The following XPR1 variants were observed in gnomAD, a reference collection of about 807,000 sequenced individuals.
The protein encoded by XPR1 is solute carrier family 53 member 1.
Under a neutral mutation model 87.5 loss-of-function variants are expected in XPR1, and 28 were observed. The observed-to-expected ratio is 0.32, with a 90% CI of 0.24 to 0.44. XPR1 has a LOEUF of 0.44. XPR1 is among the 20% of genes least tolerant of loss of function. XPR1 has a pLI of 1.00. For missense variants in XPR1, 559 were observed against 862.3 expected, an observed-to-expected ratio of 0.65 and a Z score of 4.41; for synonymous variants, 300 against 306.1, an observed-to-expected ratio of 0.98 and a Z score of 0.21.
At chr1:180,731,479 T>A (rs900912119) in intron 2 of XPR1, among the ~76,000 whole-genome samples, 43 of 152,130 alleles carry the variant, frequency 2.8e-4, no homozygotes, top group Non-Finnish European at 5.0e-4. Context: ...TGTGATCTGG[T>A]GAGTTTCAGT....
chr1:180,859,193 A>G (rs1652138062), intron 11 of XPR1, among the ~76,000 whole-genome samples: 1 of 152,136 alleles, frequency 6.6e-6, no homozygotes, highest in Non-Finnish European at 1.5e-5. Context: ...TCTCTTTTTA[A>G]AAAATCATTC....
At chr1:180,719,511 A>G (rs1405820895) in intron 2 of XPR1, among the ~76,000 whole-genome samples, 2 of 152,190 alleles carry the variant, frequency 1.3e-5, no homozygotes, top group Non-Finnish European at 2.9e-5. Flanking sequence ...ATTTCAATAA[A>G]AAGTTGACCT....
chr1:180,836,481 T>C (rs1558032601), intron 10 of XPR1, 41 bp from the exon 11 acceptor site: 1 of 1,610,334 alleles, frequency 6.2e-7, no homozygotes, highest in Non-Finnish European at 8.5e-7. Context: ...AACAAGTTAC[T>C]TTTTTTCAAT....
chr1:180,825,376 A>G (rs1302110013), intron 9 of XPR1, 32 bp downstream of exon 9: 3 of 1,590,428 alleles, frequency 1.9e-6, no homozygotes, highest in Non-Finnish European at 2.6e-6. Flanking sequence ...CCACTTTTAG[A>G]GTGGCATATT....
intron 2 of XPR1, among the ~76,000 whole-genome samples, chr1:180,682,818 A>ATGTG (rs368072502): frequency 6.7e-6 from 1 of 150,328 alleles, no homozygotes; most frequent in East Asian, 2.0e-4. Context: ...TTTACAATGG[A>ATGTG]TGTGTGTGTG....
At chr1:180,632,894 C>A (rs1346167739) in intron 1 of XPR1, among the ~76,000 whole-genome samples, 2 of 152,206 alleles carry the variant, frequency 1.3e-5, no homozygotes, top group Non-Finnish European at 2.9e-5. Context: ...ACGTTGTAAT[C>A]AACTATTCTG....
chr1:180,826,483 A>G (rs528645884), intron 9 of XPR1, among the ~76,000 whole-genome samples: 1 of 152,262 alleles, frequency 6.6e-6, no homozygotes, highest in South Asian at 2.1e-4. Context: ...GGAACGTCAA[A>G]GCTGCAGTGA....
At chr1:180,836,431 TAGAC>T in intron 10 of XPR1, 87 bp from the exon 11 acceptor site, 12 of 1,424,066 alleles carry the variant, frequency 8.4e-6, no homozygotes, top group African/African-American at 4.3e-5. Context: ...TTTGCTTTTT[TAGAC>T]TTGGTATTAG....
intron 3 of XPR1, among the ~76,000 whole-genome samples, chr1:180,797,883 T>C (rs892017428): frequency 1.3e-5 from 2 of 152,170 alleles, no homozygotes; most frequent in African/African-American, 4.8e-5. Context: ...AAAATATTAC[T>C]GAAACGCTAA....
At chr1:180,666,744 T>A (rs897525420) in intron 1 of XPR1, among the ~76,000 whole-genome samples, 2 of 152,120 alleles carry the variant, frequency 1.3e-5, no homozygotes, top group African/African-American at 4.8e-5. Context: ...AATCTTTAGG[T>A]TTTTCTACAT....
chr1:180,824,592 GTAGA>G (rs547917798), intron 7 of XPR1, among the ~76,000 whole-genome samples, 157 bp from the exon 8 acceptor site: 18 of 149,740 alleles, frequency 1.2e-4, no homozygotes, highest in South Asian at 2.1e-4. Context: ...AAATAAATAG[GTAGA>G]TAGATAGATA....
intron 2 of XPR1, among the ~76,000 whole-genome samples, chr1:180,705,355 T>C (rs1352726617): frequency 6.6e-6 from 1 of 152,204 alleles, no homozygotes; most frequent in African/African-American, 2.4e-5. Context: ...GAATTTATAT[T>C]GGTGTATTAT....
Position 180,798,556 on chromosome 1 carries a change from C to CT in XPR1, c.224-4829dup, listed in dbSNP as rs1196294167. ...TGGTTATTAGGTGAGATGACCTAGA[C>CT]TTTAATTCCTAGAGGATCTGAATCT... On this transcript the variant is annotated intron_variant, in intron 3 of 14. Coordinates refer to ENST00000367590, the MANE Select transcript of XPR1 (RefSeq NM_004736.4). Among the ~76,000 whole-genome samples, 80 of 152,302 alleles carry CT rather than the reference C, an allele frequency of 5.3e-4. 1 individual carries two copies. The Middle Eastern group carries it at 0.01, about 19-fold the overall frequency.
At chr1:180,761,216 A>G (rs1483762073) in intron 2 of XPR1, among the ~76,000 whole-genome samples, 1 of 152,212 alleles carries the variant, frequency 6.6e-6, no homozygotes, top group Non-Finnish European at 1.5e-5. Context: ...ATGGGCAAGG[A>G]CTTCATGTCT....
intron 1 of XPR1, among the ~76,000 whole-genome samples, chr1:180,672,504 A>G (rs1656214068): frequency 6.6e-6 from 1 of 152,162 alleles, no homozygotes; most frequent in Non-Finnish European, 1.5e-5. Flanking sequence ...TAGTATGTTG[A>G]TTCTTTGTAT....
Position 180,887,521 on chromosome 1 carries a change from A to G in XPR1, c.*3455A>G, listed in dbSNP as rs184386696. The G allele has an allele frequency of 1.2e-4, 18 of 152,238 alleles. No homozygotes were observed. The East Asian group carries it at 1.3e-3, about 11-fold the overall frequency. The allele number at this position is 152,238 out of a possible 1,614,324, so 9.4% of individuals were successfully genotyped here. A position where few individuals can be genotyped will look rare whatever the true frequency, so the allele number is the denominator to read the frequency against. The stretch of plus-strand genomic sequence containing the variant: ...TGATTTCATAGCATACAGAGAAACA[A>G]TGAAATCAAAGATTAAATCATTAGG... On this transcript the variant is annotated 3_prime_UTR_variant, in exon 15 of 15. Transcript: ENST00000367590.
chr1:180,747,774 G>A (rs921699497), intron 2 of XPR1, among the ~76,000 whole-genome samples: 2 of 152,134 alleles, frequency 1.3e-5, no homozygotes, highest in South Asian at 4.1e-4. Flanking sequence ...CCATAAAAGC[G>A]AAGCAAGCCA....
chr1:180,743,931 A>G (rs941466861), intron 2 of XPR1, among the ~76,000 whole-genome samples: 3 of 152,210 alleles, frequency 2.0e-5, no homozygotes, highest in Admixed American at 6.5e-5. Context: ...CAGTTTGATT[A>G]TGATCCATCT....
intron 11 of XPR1, among the ~76,000 whole-genome samples, chr1:180,851,841 C>A (rs1651877354): frequency 6.6e-6 from 1 of 151,846 alleles, no homozygotes; most frequent in Non-Finnish European, 1.5e-5. Context: ...GAAGAGGTAA[C>A]TTTGTTATTG....
Sources: allele counts gnomAD v4.1 joint callset (sites outside exome capture counted in the v4.1 genomes callset), GRCh38; gene constraint gnomAD v4.1.1; transcripts MANE v1.5; gene names NCBI Gene and HGNC (gene_info 2026-07-23, HGNC 2026-07-21).